WWOX: variants seen among roughly 807,000 people sequenced by gnomAD.
The protein encoded by WWOX is WW domain containing oxidoreductase, also known as WW domain-containing oxidoreductase.
A neutral mutation model predicts 46.2 loss-of-function variants in WWOX; 69 were observed. The ratio of observed to expected loss-of-function variants is 1.49; its 90% CI spans 1.23 to 1.82. The LOEUF is 1.82. WWOX is among the 40% of genes most tolerant of loss of function. WWOX has a pLI of 0.00. For synonymous variants in WWOX, 359 were observed against 202.6 expected (o/e 1.77, Z -6.56); for missense variants, 919 against 542.6 (o/e 1.69, Z -6.89).
chr16:78,175,328 G>A (rs61095585), intron 5 of WWOX, among the ~76,000 whole-genome samples: 15,264 of 152,190 alleles, frequency 0.1, 787 homozygotes, highest in African/African-American at 0.11. Flanking sequence ...AAGTGGCTGC[G>A]ATTGTTTTAA....
intron 8 of WWOX, among the ~76,000 whole-genome samples, chr16:78,549,186 T>C (rs1163069885): frequency 6.6e-6 from 1 of 152,154 alleles, no homozygotes; most frequent in Non-Finnish European, 1.5e-5. Flanking sequence ...GGAGGGACAA[T>C]AGAACCTCTG....
At chr16:78,612,183 C>T (rs1284486264) in intron 8 of WWOX, among the ~76,000 whole-genome samples, 5 of 152,194 alleles carry the variant, frequency 3.3e-5, no homozygotes, top group African/African-American at 9.7e-5. Context: ...TTGGAGAGCA[C>T]TGTTTCCCAA....
At chr16:79,076,781 T>C (rs1177872180) in intron 8 of WWOX, among the ~76,000 whole-genome samples, 2 of 152,230 alleles carry the variant, frequency 1.3e-5, no homozygotes, top group African/African-American at 2.4e-5. Context: ...AGAATGGGAA[T>C]AAGAATACCT....
intron 8 of WWOX, among the ~76,000 whole-genome samples, chr16:78,909,152 A>C (rs969692270): frequency 6.6e-6 from 1 of 152,226 alleles, no homozygotes; most frequent in Non-Finnish European, 1.5e-5. Context: ...AGTCAGTTAC[A>C]TCAGATCTCC....
chr16:78,478,697 G>T (rs1387275355), intron 8 of WWOX, among the ~76,000 whole-genome samples: 1 of 152,322 alleles, frequency 6.6e-6, no homozygotes, highest in African/African-American at 2.4e-5. Flanking sequence ...TTTTAATGCA[G>T]GCTCCAAAGG....
At chr16:78,190,270 C>T (rs1036574330) in intron 5 of WWOX, among the ~76,000 whole-genome samples, 2 of 152,268 alleles carry the variant, frequency 1.3e-5, no homozygotes, top group Admixed American at 6.5e-5. Flanking sequence ...GGGCTGCTAG[C>T]GCTTAGTTTC....
intron 5 of WWOX, among the ~76,000 whole-genome samples, chr16:78,228,867 G>A (rs753187001): frequency 6.6e-5 from 10 of 152,128 alleles, no homozygotes; most frequent in Non-Finnish European, 1.3e-4. Context: ...GTGGCTTTTT[G>A]TGCCAAGTGT....
intron 8 of WWOX, among the ~76,000 whole-genome samples, chr16:78,804,352 C>G (rs1332788360): frequency 1.3e-5 from 2 of 151,552 alleles, no homozygotes; most frequent in African/African-American, 4.9e-5. Flanking sequence ...CTGACTTTGA[C>G]TTTTGCTCGG....
At chr16:79,138,236 G>T (rs765260845) in intron 8 of WWOX, among the ~76,000 whole-genome samples, 1 of 152,174 alleles carries the variant, frequency 6.6e-6, no homozygotes, top group African/African-American at 2.4e-5. Flanking sequence ...GTTGGGGAAG[G>T]TTTTATGTTC....
intron 5 of WWOX, among the ~76,000 whole-genome samples, chr16:78,274,664 G>T (rs1473830613): frequency 6.6e-6 from 1 of 152,102 alleles, no homozygotes. Context: ...ATCTAGCTTT[G>T]TCTTCTGCAT....
At chr16:78,747,228 G>C (rs1454334005) in intron 8 of WWOX, among the ~76,000 whole-genome samples, 1 of 132,628 alleles carries the variant, frequency 7.5e-6, no homozygotes, top group Non-Finnish European at 1.6e-5. Flanking sequence ...TCTCGCTCTT[G>C]TCATGCAGGC....
intron 8 of WWOX, among the ~76,000 whole-genome samples, chr16:79,058,456 G>A (rs756949176): frequency 2.6e-4 from 39 of 151,816 alleles, no homozygotes; most frequent in Non-Finnish European, 5.6e-4. Context: ...AGTGAGAGAA[G>A]GAAGGAAGAG....
At chr16:78,196,933 A>T (rs1490971277) in intron 5 of WWOX, among the ~76,000 whole-genome samples, 1 of 152,358 alleles carries the variant, frequency 6.6e-6, no homozygotes, top group Admixed American at 6.5e-5. Flanking sequence ...ACAAAACATG[A>T]TTCTCATCTC....
At chr16:78,605,667 G>A (rs561479033) in intron 8 of WWOX, among the ~76,000 whole-genome samples, 7 of 152,114 alleles carry the variant, frequency 4.6e-5, no homozygotes, top group Non-Finnish European at 1.0e-4. Flanking sequence ...TTACAACTCC[G>A]CCTCTCGTGC....
intron 8 of WWOX, among the ~76,000 whole-genome samples, chr16:78,763,182 A>G (rs934274211): frequency 4.6e-5 from 7 of 152,236 alleles, no homozygotes; most frequent in South Asian, 4.1e-4. Context: ...CCATTGTTCA[A>G]GCAGTTGGCG....
chr16:78,334,443 C>T (rs1252364371), intron 5 of WWOX, among the ~76,000 whole-genome samples: 1 of 152,122 alleles, frequency 6.6e-6, no homozygotes, highest in Non-Finnish European at 1.5e-5. Flanking sequence ...TATGAGTGAA[C>T]CATTAAAGAT....
In WWOX at chr16:78,520,407, G is replaced by A. The variant is rs115170320; in HGVS notation, c.1056+87655G>A. Among the ~76,000 whole-genome samples the A allele has an allele frequency of 3.3e-4, 51 of 152,292 alleles. No individual in the cohort carries two copies. The East Asian group carries it at 6.4e-3, about 19-fold the overall frequency. On this transcript the variant is annotated intron_variant, in intron 8 of 8. Coordinates refer to ENST00000566780, the MANE Select transcript of WWOX (RefSeq NM_016373.4). ...TCATGTCTCGAAGACTTCTGATTTC[G>A]TTTTCGAGGCTGGAAAGGCAGGTGG...
At chr16:79,014,297 A>G (rs1260650480) in intron 8 of WWOX, among the ~76,000 whole-genome samples, 2 of 152,194 alleles carry the variant, frequency 1.3e-5, no homozygotes, top group Non-Finnish European at 2.9e-5. Flanking sequence ...GATTTATACC[A>G]AAAGATGCTT....
At chr16:78,801,665 C>G (rs2050893839) in intron 8 of WWOX, among the ~76,000 whole-genome samples, 1 of 152,164 alleles carries the variant, frequency 6.6e-6, no homozygotes, top group Non-Finnish European at 1.5e-5. Context: ...AAGTTATCCA[C>G]AGAGTTTTAA....
Sources: allele counts gnomAD v4.1 joint callset (sites outside exome capture counted in the v4.1 genomes callset), GRCh38; gene constraint gnomAD v4.1.1; transcripts MANE v1.5; gene names NCBI Gene and HGNC (gene_info 2026-07-23, HGNC 2026-07-21).